The following DSTN variants were observed in gnomAD, a reference collection of about 807,000 sequenced individuals.
The protein encoded by DSTN is destrin.
DSTN carries 10 observed loss-of-function variants against 16.8 expected under a neutral mutation model. The ratio of observed to expected loss-of-function variants is 0.60; its 90% confidence interval spans 0.37 to 1.01. DSTN has a LOEUF of 1.01. Among genes scored for constraint, DSTN ranks in the 50% least tolerant of loss-of-function variants. DSTN has a pLI of 0.01. For missense variants in DSTN, 141 were observed against 196.7 expected, an observed-to-expected ratio of 0.72 and a Z score of 1.69; for synonymous variants, 57 against 58.9, an observed-to-expected ratio of 0.97 and a Z score of 0.14.
At chr20:17,601,987 G>A (rs2035592204) in intron 2 of DSTN, among the ~76,000 whole-genome samples, 2 of 149,838 alleles carry the variant, frequency 1.3e-5, no homozygotes, top group South Asian at 4.2e-4. Flanking sequence ...ACTTTGGCCT[G>A]AGTCAGGGCA....
rs543284192 is a variant in DSTN, at chr20:17,608,650, G to A, written c.*1504G>A. ...AAAAAAAAAGTCACAACTCCCTCTGGTGAATAAGAAAGTTGGTGTAAAAGT... is the reference window on the plus strand; with the variant it reads ...AAAAAAAAAGTCACAACTCCCTCTGATGAATAAGAAAGTTGGTGTAAAAGT... On this transcript the variant is annotated 3_prime_UTR_variant, in exon 4 of 4. Coordinates refer to ENST00000246069, the MANE Select transcript of DSTN (RefSeq NM_006870.4). 1 of 151,052 alleles carries A rather than the reference G, an allele frequency of 6.6e-6. No individual in the cohort carries two copies. The highest frequency in any genetic ancestry group is 2.1e-4 in the South Asian group (1 of 4,758). The allele number at this position is 151,052 out of a possible 1,614,324, so 9.4% of individuals were successfully genotyped here. A position where few individuals can be genotyped will look rare whatever the true frequency, so the allele number is the denominator to read the frequency against.
chr20:17,589,304 A>G (rs1381692863), intron 1 of DSTN, among the ~76,000 whole-genome samples: 1 of 151,118 alleles, frequency 6.6e-6, no homozygotes, highest in Non-Finnish European at 1.5e-5. Flanking sequence ...TTCGCCTCCC[A>G]GGTTCAAGTG....
chr20:17,582,636 A>C (rs974319599), intron 1 of DSTN, among the ~76,000 whole-genome samples: 6 of 152,348 alleles, frequency 3.9e-5, no homozygotes, highest in African/African-American at 1.4e-4. Flanking sequence ...GTGCTGGCAC[A>C]ATTGGATATC....
chr20:17,605,634 G>A (rs986833581), intron 3 of DSTN, among the ~76,000 whole-genome samples: 1 of 152,128 alleles, frequency 6.6e-6, no homozygotes, highest in Non-Finnish European at 1.5e-5. Context: ...TTGGTTTGAT[G>A]TTTGGCAACC....
In DSTN at chr20:17,607,036, G is replaced by A. The variant is rs1231446165; in HGVS notation, c.389-1G>A. 6.2e-7 allele frequency: 1 copy of A among 1,612,758 alleles called. No individual in the cohort carries two copies. The highest frequency in any genetic ancestry group is 1.3e-5 in the African/African-American group (1 of 74,812). On this transcript the variant is annotated splice_acceptor_variant, in intron 3 of 3. Coordinates refer to ENST00000246069, the MANE Select transcript of DSTN (RefSeq NM_006870.4). LOFTEE classifies it high-confidence loss of function. ...ATAGAAGTGTTGTTTTTTCTCTCTAGGCATAAAACATGAATGTCAAGCAAA... is the reference window on the plus strand; with the variant it reads ...ATAGAAGTGTTGTTTTTTCTCTCTAAGCATAAAACATGAATGTCAAGCAAA...
Position 17,602,676 on chromosome 20 carries a change from A to G in DSTN, c.311+1631A>G, listed in dbSNP as rs374716889. On this transcript the variant is annotated intron_variant, in intron 2 of 3. Coordinates refer to ENST00000246069, the MANE Select transcript of DSTN (RefSeq NM_006870.4). ...CTTAAAGTAGTTTAACAATTTGGTT[A>G]GAATAAAAGCAGAACAGCTGATGCT... Among the ~76,000 whole-genome samples the G allele has an allele frequency of 3.3e-5, 5 of 152,220 alleles. 1 individual carries two copies. Among genetic ancestry groups the G allele is most frequent in the Admixed American group, 3.3e-4 (5 of 15,286 alleles).
intron 1 of DSTN, among the ~76,000 whole-genome samples, chr20:17,596,375 G>C (rs1217613356): frequency 6.6e-6 from 1 of 152,108 alleles, no homozygotes; most frequent in Non-Finnish European, 1.5e-5. Flanking sequence ...TTCTGCCACT[G>C]TCTGGTCATC....
In DSTN at chr20:17,604,732, G is replaced by C. The variant is rs1022561570; in HGVS notation, c.388+101G>C. The stretch of plus-strand genomic sequence containing the variant: ...CACCTTATTTTTTTGCAGAGCTTCG[G>C]GCACAAGGGAGAAGTGTTACTTGTT... On this transcript the variant is annotated intron_variant, in intron 3 of 3. Coordinates refer to ENST00000246069, the MANE Select transcript of DSTN (RefSeq NM_006870.4). 17 of 1,040,148 alleles carry C rather than the reference G, an allele frequency of 1.6e-5. No homozygotes were observed. In the Admixed American group the frequency reaches 3.8e-4, roughly 23 times the overall value. The allele number at this position is 1,040,148 out of a possible 1,614,324, so 64.4% of individuals were successfully genotyped here. A position where few individuals can be genotyped will look rare whatever the true frequency, so the allele number is the denominator to read the frequency against.
At chr20:17,597,641 C>T (rs892525553) in intron 1 of DSTN, among the ~76,000 whole-genome samples, 2 of 152,130 alleles carry the variant, frequency 1.3e-5, no homozygotes, top group African/African-American at 4.8e-5. Context: ...ACACTGTGTC[C>T]AGGTGTACAC....
At chr20:17,588,774 ACT>A (rs747162617) in intron 1 of DSTN, among the ~76,000 whole-genome samples, 7 of 152,246 alleles carry the variant, frequency 4.6e-5, no homozygotes, top group East Asian at 1.9e-4. Context: ...ACAGAGCGAG[ACT>A]CTGTCTCAAA....
intron 1 of DSTN, among the ~76,000 whole-genome samples, chr20:17,585,754 C>T (rs2035400377): frequency 6.6e-6 from 1 of 152,070 alleles, no homozygotes; most frequent in South Asian, 2.1e-4. Context: ...CCTCATTAAT[C>T]CCTCCTCCTA....
chr20:17,571,598 C>A (rs1036337697), intron 1 of DSTN, among the ~76,000 whole-genome samples: 12 of 152,154 alleles, frequency 7.9e-5, no homozygotes, highest in African/African-American at 2.9e-4. Context: ...TACTGAAAGA[C>A]TTAATCTAGG....
chr20:17,584,600 C>T (rs771143162), intron 1 of DSTN, among the ~76,000 whole-genome samples: 13 of 149,538 alleles, frequency 8.7e-5, no homozygotes, highest in Non-Finnish European at 1.3e-4. Context: ...TGCAGTGAGC[C>T]GAGGTCACGC....
chr20:17,575,235 T>G (rs1446531865), intron 1 of DSTN, among the ~76,000 whole-genome samples: 2 of 150,850 alleles, frequency 1.3e-5, no homozygotes, highest in African/African-American at 4.9e-5. Flanking sequence ...TTTATGTTAA[T>G]GTAACTTTAT....
chr20:17,601,258 C>CTT (rs1568739981), intron 2 of DSTN, among the ~76,000 whole-genome samples: 1 of 130,626 alleles, frequency 7.7e-6, no homozygotes, highest in African/African-American at 3.2e-5. Context: ...TGTGACTCTC[C>CTT]GTTTTTGTTT....
intron 1 of DSTN, among the ~76,000 whole-genome samples, chr20:17,571,767 T>G (rs560340567): frequency 6.6e-6 from 1 of 152,318 alleles, no homozygotes; most frequent in African/African-American, 2.4e-5. Context: ...GACCAAACAT[T>G]TTACCTTTAG....
chr20:17,571,080 T>C (rs1568727262), intron 1 of DSTN, among the ~76,000 whole-genome samples: 2 of 152,374 alleles, frequency 1.3e-5, no homozygotes, highest in East Asian at 1.9e-4. Flanking sequence ...GTATATTCTA[T>C]ATGATGGACA....
chr20:17,594,546 A>T (rs1346205308), intron 1 of DSTN, among the ~76,000 whole-genome samples: 1 of 152,192 alleles, frequency 6.6e-6, no homozygotes, highest in Non-Finnish European at 1.5e-5. Context: ...AGTTTACATA[A>T]CTGGGCCCAG....
intron 2 of DSTN, among the ~76,000 whole-genome samples, chr20:17,601,691 G>A (rs1298361500): frequency 6.6e-6 from 1 of 152,194 alleles, no homozygotes; most frequent in Admixed American, 6.5e-5. Flanking sequence ...AGAAAACTCT[G>A]TTGGGCAGTG....
Sources: gnomAD v4.1 joint callset for allele counts (sites outside exome capture counted in the v4.1 genomes callset) on GRCh38, gnomAD v4.1.1 for gene constraint, MANE v1.5 for transcripts, NCBI Gene and HGNC (gene_info 2026-07-23, HGNC 2026-07-21) for gene names.